The following FAF1 variants were observed in gnomAD, a reference collection of about 807,000 sequenced individuals.
The protein encoded by FAF1 is Fas associated factor 1, also known as FAS-associated factor 1.
In FAF1, 25 loss-of-function variants were observed where a neutral mutation model predicts 92.5. The observed-to-expected ratio is 0.27, with a 90% CI of 0.20 to 0.38. FAF1 has a LOEUF of 0.38. Ranked by LOEUF, FAF1 falls within the 10% of genes least tolerant of loss-of-function variation. The probability of loss-of-function intolerance (pLI) is 1.00; values close to 1 mark genes in which losing one functional copy is unlikely to be tolerated. For missense variants in FAF1, 636 were observed against 793.3 expected (o/e 0.80, Z 2.38); for synonymous variants, 234 against 273.2 (o/e 0.86, Z 1.42).
Position 50,567,276 on chromosome 1 carries a change from G to GT in FAF1, c.1114-46dup, listed in dbSNP as rs757963285. 16 of 1,458,856 alleles carry GT rather than the reference G, an allele frequency of 1.1e-5. No homozygotes were observed. In the South Asian group the frequency reaches 1.7e-4, roughly 15 times the overall value. The allele number at this position is 1,458,856 out of a possible 1,614,324, so 90.4% of individuals were successfully genotyped here. A position where few individuals can be genotyped will look rare whatever the true frequency, so the allele number is the denominator to read the frequency against. ...CTGATCAATTAAAATATCCACTAAT[G>GT]TAAGATTTCTTAAATTTTAGAGAGG... On this transcript the variant is annotated intron_variant, in intron 12 of 18. Transcript: ENST00000396153.
intron 2 of FAF1, among the ~76,000 whole-genome samples, chr1:50,829,422 A>G (rs1379186134): frequency 6.6e-6 from 1 of 152,222 alleles, no homozygotes; most frequent in African/African-American, 2.4e-5. Context: ...ATCACCTACT[A>G]TGAATACAGA....
At chr1:50,858,555 G>C (rs1462732159) in intron 1 of FAF1, among the ~76,000 whole-genome samples, 1 of 151,690 alleles carries the variant, frequency 6.6e-6, no homozygotes, top group East Asian at 1.9e-4. Flanking sequence ...CACCAGGTAA[G>C]ACTTAGCACC....
chr1:50,804,871 C>T (rs975962245), intron 2 of FAF1, among the ~76,000 whole-genome samples: 2 of 152,282 alleles, frequency 1.3e-5, no homozygotes, highest in South Asian at 2.1e-4. Flanking sequence ...CCAAGCACTA[C>T]GCACTACTTT....
rs1038199211 is a variant in FAF1, at chr1:50,860,479, G to A, written c.46-2482C>T. 6.6e-5 allele frequency among the ~76,000 whole-genome samples: 10 copies of A among 151,582 alleles called. No homozygotes were observed. The Admixed American group carries it at 6.6e-4, about 10-fold the overall frequency. ...ACTTCTCAAAAGAAGACGTACACAT[G>A]GCCAACAAACATGAAAAAATGTTCC... is the stretch of plus-strand genomic sequence containing the variant. On this transcript the variant is annotated intron_variant, in intron 1 of 18. Coordinates refer to ENST00000396153, the MANE Select transcript of FAF1 (RefSeq NM_007051.3).
chr1:50,677,453 A>G (rs1262509413), intron 7 of FAF1, among the ~76,000 whole-genome samples: 1 of 152,210 alleles, frequency 6.6e-6, no homozygotes, highest in Non-Finnish European at 1.5e-5. Flanking sequence ...ACATTTCTGA[A>G]TTCCTGAGTC....
intron 5 of FAF1, among the ~76,000 whole-genome samples, chr1:50,744,148 T>G (rs562046447): frequency 6.6e-6 from 1 of 152,308 alleles, no homozygotes; most frequent in Non-Finnish European, 1.5e-5. Flanking sequence ...TCCTTAAAAT[T>G]GCAATACTCT....
At chr1:50,515,078 C>A (rs966398696) in intron 15 of FAF1, among the ~76,000 whole-genome samples, 1 of 152,126 alleles carries the variant, frequency 6.6e-6, no homozygotes, top group African/African-American at 2.4e-5. Flanking sequence ...AAGATGTAGG[C>A]CCTGTGTTAG....
chr1:50,453,990 G>A lies in FAF1; in HGVS notation c.1870-12467C>T, dbSNP rs373871776. Among the ~76,000 whole-genome samples, 27 of 152,348 alleles carry A rather than the reference G, an allele frequency of 1.8e-4. No homozygotes were observed. The South Asian group carries it at 4.3e-3, about 25-fold the overall frequency. On this transcript the variant is annotated intron_variant, in intron 18 of 18. Transcript: ENST00000396153. The stretch of plus-strand genomic sequence containing the variant: ...GGACAAGTCACTTTTTGTCCTCTGA[G>A]ATTCCTTGTCTGTTAAACAAGGATG...
At chr1:50,542,588 C>A (rs1329500227) in intron 13 of FAF1, among the ~76,000 whole-genome samples, 1 of 152,138 alleles carries the variant, frequency 6.6e-6, no homozygotes, top group East Asian at 1.9e-4. Context: ...AGTTGTCAAC[C>A]CAACTGCACA....
At chr1:50,716,185 A>T (rs970868945) in intron 6 of FAF1, among the ~76,000 whole-genome samples, 4 of 152,206 alleles carry the variant, frequency 2.6e-5, no homozygotes, top group African/African-American at 7.2e-5. Flanking sequence ...AACTAGCAGC[A>T]GGCCCATTTC....
intron 6 of FAF1, among the ~76,000 whole-genome samples, chr1:50,712,848 G>C (rs1254077402): frequency 6.6e-6 from 1 of 151,832 alleles, no homozygotes; most frequent in East Asian, 1.9e-4. Flanking sequence ...CCATGGTTAA[G>C]CCACCTTGGA....
intron 4 of FAF1, among the ~76,000 whole-genome samples, chr1:50,747,223 C>T (rs1203475821): frequency 1.3e-5 from 2 of 152,186 alleles, no homozygotes; most frequent in Non-Finnish European, 2.9e-5. Context: ...ATACCCTGCA[C>T]CTGGACAAGC....
At chr1:50,637,708 T>C (rs966583864) in intron 8 of FAF1, among the ~76,000 whole-genome samples, 3 of 150,978 alleles carry the variant, frequency 2.0e-5, no homozygotes, top group South Asian at 2.1e-4. Flanking sequence ...TGTGTGTGTG[T>C]GTGTGCGTGT....
At chr1:50,916,410 T>G (rs188215555) in intron 1 of FAF1, among the ~76,000 whole-genome samples, 3 of 152,294 alleles carry the variant, frequency 2.0e-5, no homozygotes, top group Non-Finnish European at 4.4e-5. Flanking sequence ...CCATTCCCTT[T>G]AGGACTTATC....
intron 15 of FAF1, among the ~76,000 whole-genome samples, chr1:50,493,031 C>CTT (rs1557968100): frequency 7.0e-6 from 1 of 142,646 alleles, no homozygotes; most frequent in African/African-American, 2.9e-5. Context: ...AAGGATTAAA[C>CTT]TTCTTTTTTT....
intron 17 of FAF1, among the ~76,000 whole-genome samples, chr1:50,477,146 A>AT (rs759204628): frequency 6.6e-6 from 1 of 152,074 alleles, no homozygotes; most frequent in Non-Finnish European, 1.5e-5. Flanking sequence ...ATACTGAACT[A>AT]TTTTTTTTAA....
At chr1:50,573,289 G>A (rs1169644546) in intron 12 of FAF1, among the ~76,000 whole-genome samples, 1 of 151,948 alleles carries the variant, frequency 6.6e-6, no homozygotes, top group African/African-American at 2.4e-5. Context: ...AGTAGAGATG[G>A]GGTTTCACCA....
intron 1 of FAF1, among the ~76,000 whole-genome samples, chr1:50,860,090 T>C (rs370047068): frequency 6.6e-6 from 1 of 151,946 alleles, no homozygotes; most frequent in Non-Finnish European, 1.5e-5. Flanking sequence ...CTTTTCACCA[T>C]ACACAAAAAT....
chr1:50,451,889 T>G, intron 18 of FAF1: 1 of 1,081,106 alleles, frequency 9.2e-7, no homozygotes, highest in Non-Finnish European at 1.1e-6. Context: ...TCTAAGGTAT[T>G]ATAATGTTAA....
Sources: gnomAD v4.1 joint callset for allele counts (sites outside exome capture counted in the v4.1 genomes callset) on GRCh38, gnomAD v4.1.1 for gene constraint, MANE v1.5 for transcripts, NCBI Gene and HGNC (gene_info 2026-07-23, HGNC 2026-07-21) for gene names.